OPA1: variants seen among roughly 807,000 people sequenced by gnomAD.
OPA1 encodes OPA1 mitochondrial dynamin like GTPase.
In OPA1, 59 loss-of-function variants were observed where a neutral mutation model predicts 152.9. The observed-to-expected ratio is 0.39, with a 90% CI of 0.31 to 0.48. The LOEUF (loss-of-function observed/expected upper bound fraction) is 0.48. Among genes scored for constraint, OPA1 ranks in the 20% least tolerant of loss-of-function variants. The probability of loss-of-function intolerance (pLI) is 0.96; values close to 1 mark genes in which losing one functional copy is unlikely to be tolerated. For synonymous variants in OPA1, 400 were observed against 389.9 expected, an observed-to-expected ratio of 1.03 and a Z score of -0.31; for missense variants, 1,008 against 1,216.8, an observed-to-expected ratio of 0.83 and a Z score of 2.55.
intron 21 of OPA1, among the ~76,000 whole-genome samples, chr3:193,652,170 CAG>C (rs1712647997): frequency 6.6e-6 from 1 of 152,046 alleles, no homozygotes; most frequent in African/African-American, 2.4e-5. Context: ...CACTTAAGCT[CAG>C]GAATTCAAGA....
intron 7 of OPA1, among the ~76,000 whole-genome samples, chr3:193,631,130 A>G (rs12696671): frequency 0.43 from 65,339 of 152,038 alleles, 14,299 homozygotes; most frequent in Non-Finnish European, 0.44. Context: ...AGAAATGGAT[A>G]CAATACAAAA....
intron 1 of OPA1, among the ~76,000 whole-genome samples, chr3:193,612,232 A>G (rs1028933518): frequency 1.3e-5 from 2 of 150,570 alleles, no homozygotes; most frequent in African/African-American, 4.9e-5. Flanking sequence ...CCTGGCTGAT[A>G]TAAGGTCTCA....
chr3:193,643,347 G>C, intron 13 of OPA1, 26 bp from the exon 14 acceptor site: 3 of 1,563,658 alleles, frequency 1.9e-6, no homozygotes, highest in Non-Finnish European at 2.6e-6. Context: ...CTTTAGCATT[G>C]TTTTATTTTT....
chr3:193,678,676 A>C (rs546760398), intron 29 of OPA1, among the ~76,000 whole-genome samples: 2 of 152,280 alleles, frequency 1.3e-5, no homozygotes, highest in African/African-American at 4.8e-5. Flanking sequence ...CCATTACTTT[A>C]TATAGTTCAA....
At chr3:193,680,546 T>C (rs1577382363) in intron 29 of OPA1, among the ~76,000 whole-genome samples, 1 of 152,212 alleles carries the variant, frequency 6.6e-6, no homozygotes, top group Admixed American at 6.5e-5. Context: ...GAAGGGGCCT[T>C]CTTATAAATC....
chr3:193,593,339 T>C lies in OPA1; in HGVS notation c.-39T>C, dbSNP rs1724937898. ...TGGGGCTCACACGGGGGCTCCCGCG[T>C]GGCCGTCTCGGCGCCTGCGTGACCT... is the stretch of plus-strand genomic sequence containing the variant. On this transcript the variant is annotated 5_prime_UTR_variant, in exon 1 of 31. Transcript: ENST00000361510. The C allele has an allele frequency of 6.5e-7, 1 of 1,538,412 alleles. No homozygotes were observed. The highest frequency in any genetic ancestry group is 8.8e-7 in the Non-Finnish European group (1 of 1,141,034).
At position 193,666,385 on chromosome 3, in the gene OPA1, T is replaced by C; in HGVS notation, c.2868T>C (p.Thr956=). The C allele has an allele frequency of 6.2e-7, 1 of 1,612,270 alleles. No homozygotes were observed. The highest frequency in any genetic ancestry group is 1.1e-5 in the South Asian group (1 of 91,050). The change falls in exon 28 of 31, where the codon ACT becomes ACC. Residue 956 remains threonine (T), a synonymous_variant. Coordinates refer to ENST00000361510, the MANE Select transcript of OPA1 (RefSeq NM_130837.3). ...CTTTAAGGCAACAACTTACAAATAC[T>C]GAAGGTAAGCCACATAGGGACTGCA... ...ANTLRQQLTN[T]EVRRLEKNVK...
chr3:193,654,790 T>C lies in OPA1; in HGVS notation c.2013-72T>C, dbSNP rs1307532749. 21 of 1,451,326 alleles carry C rather than the reference T, an allele frequency of 1.4e-5. No individual in the cohort carries two copies. The Middle Eastern group carries it at 5.2e-4, about 36-fold the overall frequency. The allele number at this position is 1,451,326 out of a possible 1,614,324, so 89.9% of individuals were successfully genotyped here. A position where few individuals can be genotyped will look rare whatever the true frequency, so the allele number is the denominator to read the frequency against. ...TGTACAGTTTATTATAAGTTAATGA[T>C]ACTTCAGTCAAGCTGTTTTTAAAAA... On this transcript the variant is annotated intron_variant, in intron 21 of 30. Transcript: ENST00000361510.
At chr3:193,645,386 A>G (rs1243614215) in intron 16 of OPA1, among the ~76,000 whole-genome samples, 167 bp from the exon 17 acceptor site, 2 of 152,218 alleles carry the variant, frequency 1.3e-5, no homozygotes, top group Non-Finnish European at 2.9e-5. Context: ...AGTAAAATTA[A>G]ATGTATTTTT....
At chr3:193,617,317 A>T (rs765412928) in intron 4 of OPA1, 32 bp downstream of exon 4, 1 of 1,343,392 alleles carries the variant, frequency 7.4e-7, no homozygotes, top group South Asian at 1.2e-5. Context: ...CTAATTTAAA[A>T]ATTTAAGAAC....
chr3:193,688,414 T>C (rs974025861), intron 29 of OPA1, among the ~76,000 whole-genome samples: 6 of 148,564 alleles, frequency 4.0e-5, no homozygotes, highest in Non-Finnish European at 7.4e-5. Context: ...GGTGTAACTG[T>C]TTTGTTCCCT....
intron 25 of OPA1, among the ~76,000 whole-genome samples, chr3:193,661,397 G>T (rs1231631042): frequency 6.6e-6 from 1 of 152,160 alleles, no homozygotes; most frequent in Non-Finnish European, 1.5e-5. Context: ...GACTCATTGA[G>T]TCAAGCTCTC....
chr3:193,621,597 T>C (rs1164925769), intron 6 of OPA1, among the ~76,000 whole-genome samples: 2 of 152,198 alleles, frequency 1.3e-5, no homozygotes, highest in Non-Finnish European at 2.9e-5. Context: ...GATCAAAAGT[T>C]CTGATATGAT....
chr3:193,623,304 G>T (rs1453654814), intron 6 of OPA1, among the ~76,000 whole-genome samples: 1 of 152,136 alleles, frequency 6.6e-6, no homozygotes. Flanking sequence ...AATTGTGGGA[G>T]ACAAAAATTC....
At chr3:193,620,624 T>A (rs77007658) in intron 6 of OPA1, among the ~76,000 whole-genome samples, 2 of 39,610 alleles carry the variant, frequency 5.0e-5, no homozygotes, top group Non-Finnish European at 1.0e-4. Flanking sequence ...CTTACCAATT[T>A]TTTTTTTAAC....
chr3:193,595,690 TTTG>T (rs1003204088), intron 1 of OPA1, among the ~76,000 whole-genome samples: 12 of 152,300 alleles, frequency 7.9e-5, no homozygotes, highest in African/African-American at 2.9e-4. Flanking sequence ...TGGGTTTGGT[TTTG>T]TTTTCTTTTG....
intron 9 of OPA1, 37 bp from the exon 10 acceptor site, chr3:193,637,158 T>C: frequency 8.6e-7 from 1 of 1,159,280 alleles, no homozygotes. Flanking sequence ...TCTTTACTTT[T>C]ACTGTTTTAT....
intron 29 of OPA1, among the ~76,000 whole-genome samples, chr3:193,674,776 G>A (rs117393176): frequency 4.6e-5 from 7 of 152,286 alleles, no homozygotes; most frequent in East Asian, 3.9e-4. Flanking sequence ...GTGTTGTTAC[G>A]GATGAGAATA....
At chr3:193,603,762 CTGAT>C (rs1726808973) in intron 1 of OPA1, among the ~76,000 whole-genome samples, 1 of 152,134 alleles carries the variant, frequency 6.6e-6, no homozygotes, top group Non-Finnish European at 1.5e-5. Flanking sequence ...CATATCCTGA[CTGAT>C]ATTTTTTTTT....
Sources: gnomAD v4.1 joint callset for allele counts (sites outside exome capture counted in the v4.1 genomes callset) on GRCh38, gnomAD v4.1.1 for gene constraint, MANE v1.5 for transcripts, NCBI Gene and HGNC (gene_info 2026-07-23, HGNC 2026-07-21) for gene names.